The following SLC37A3 variants were observed in gnomAD, a reference collection of about 807,000 sequenced individuals.
SLC37A3 encodes sugar phosphate exchanger 3.
A neutral mutation model predicts 67.1 loss-of-function variants in SLC37A3; 51 were observed. The ratio of observed to expected loss-of-function variants is 0.76; its 90% CI spans 0.61 to 0.96. The LOEUF is 0.96. Ranked by LOEUF, SLC37A3 falls within the 40% of genes least tolerant of loss-of-function variation. SLC37A3 has a pLI of 0.00. For synonymous variants in SLC37A3, 214 were observed against 231.4 expected (o/e 0.92, Z 0.68); for missense variants, 508 against 603.0 (o/e 0.84, Z 1.65).
chr7:140,386,331 A>C (rs1374783596), intron 1 of SLC37A3, among the ~76,000 whole-genome samples: 2 of 152,038 alleles, frequency 1.3e-5, no homozygotes, highest in Non-Finnish European at 1.5e-5. Flanking sequence ...CAGCCTTCCA[A>C]AGTGCTGAGA....
intron 14 of SLC37A3, 111 bp downstream of exon 14, chr7:140,337,173 A>G: frequency 1.6e-6 from 1 of 641,164 alleles, no homozygotes; most frequent in Non-Finnish European, 2.5e-6. Flanking sequence ...TACTTTTCAC[A>G]AAGGAGCCTT....
At chr7:140,365,756 G>A (rs781058683) in intron 4 of SLC37A3, among the ~76,000 whole-genome samples, 7 of 151,642 alleles carry the variant, frequency 4.6e-5, no homozygotes, top group Non-Finnish European at 8.8e-5. Flanking sequence ...AAATATGAAC[G>A]TTTCTCCCTC....
chr7:140,368,045 C>T (rs1797671707), intron 4 of SLC37A3, among the ~76,000 whole-genome samples: 1 of 151,770 alleles, frequency 6.6e-6, no homozygotes, highest in African/African-American at 2.4e-5. Flanking sequence ...AACTCCTGAC[C>T]CCAAGTTATC....
intron 3 of SLC37A3, among the ~76,000 whole-genome samples, chr7:140,378,528 G>T (rs1200044276): frequency 2.0e-5 from 3 of 152,074 alleles, no homozygotes; most frequent in Non-Finnish European, 4.4e-5. Context: ...ACGAGGTCAA[G>T]AGATCAAGAC....
chr7:140,363,709 A>AT (rs1563031059), intron 5 of SLC37A3, among the ~76,000 whole-genome samples: 2 of 61,560 alleles, frequency 3.2e-5, no homozygotes, highest in Non-Finnish European at 7.6e-5. Flanking sequence ...AATAAATAAA[A>AT]AAATAAAAAA....
rs577773807 is a variant in SLC37A3, at chr7:140,397,094, G to A, written c.-71+1322C>T. 3.2e-4 allele frequency among the ~76,000 whole-genome samples: 47 copies of A among 148,726 alleles called. 1 individual carries two copies. In the South Asian group the frequency reaches 1.0e-2, roughly 32 times the overall value. On this transcript the variant is annotated intron_variant, in intron 1 of 14. Coordinates refer to ENST00000326232, the MANE Select transcript of SLC37A3 (RefSeq NM_207113.3). The stretch of plus-strand genomic sequence containing the variant: ...GGGCGCCTGTAGTCCCAGCTACTCG[G>A]GAGGCTGAGGCAGGAGAATCACTTG...
chr7:140,346,094 G>A lies in SLC37A3; in HGVS notation c.1025-124C>T, dbSNP rs1585260503. Reference sequence around the variant, plus strand: ...TGACACTAGTCTATCAAAAAATATGGCTGGGCCGGGCTCGGTGGCTCACAC... The same window carrying A: ...TGACACTAGTCTATCAAAAAATATGACTGGGCCGGGCTCGGTGGCTCACAC... On this transcript the variant is annotated intron_variant, in intron 10 of 14. Transcript: ENST00000326232. 7.3e-6 allele frequency: 5 copies of A among 688,854 alleles called. No homozygotes were observed. The East Asian group carries it at 8.4e-5, about 12-fold the overall frequency. The allele number at this position is 688,854 out of a possible 1,614,324, so 42.7% of individuals were successfully genotyped here.
intron 6 of SLC37A3, among the ~76,000 whole-genome samples, chr7:140,357,020 C>G (rs1347905909): frequency 1.3e-5 from 2 of 152,002 alleles, no homozygotes; most frequent in Admixed American, 6.6e-5. Flanking sequence ...CAAGACCAGC[C>G]TGGCCAACAT....
chr7:140,350,656 C>G (rs573464806), intron 9 of SLC37A3, among the ~76,000 whole-genome samples: 1 of 151,932 alleles, frequency 6.6e-6, no homozygotes. Context: ...CCCAGCTACT[C>G]GGGAGGCTGA....
chr7:140,335,642 T>C lies in SLC37A3; in HGVS notation c.1393-138A>G, dbSNP rs1796105134. On this transcript the variant is annotated intron_variant, in intron 14 of 14. Transcript: ENST00000326232. ...AAGATAATGTTTAATCTTCAATGAA[T>C]TAGAAAATGATTTTGAAAATTATGG... 8.0e-6 allele frequency: 9 copies of C among 1,118,508 alleles called. No individual in the cohort carries two copies. In the South Asian group the frequency reaches 1.4e-4, roughly 18 times the overall value. The allele number at this position is 1,118,508 out of a possible 1,614,324, so 69.3% of individuals were successfully genotyped here.
chr7:140,396,836 T>C (rs1317421789), intron 1 of SLC37A3, among the ~76,000 whole-genome samples: 1 of 151,402 alleles, frequency 6.6e-6, no homozygotes, highest in Non-Finnish European at 1.5e-5. Context: ...AGGTATGGAA[T>C]CTAAGACCCT....
At chr7:140,394,289 C>G (rs1431970321) in intron 1 of SLC37A3, among the ~76,000 whole-genome samples, 4 of 152,110 alleles carry the variant, frequency 2.6e-5, no homozygotes, top group African/African-American at 9.7e-5. Flanking sequence ...ATTTAGTTCT[C>G]TCAATGTTTT....
intron 6 of SLC37A3, among the ~76,000 whole-genome samples, chr7:140,357,824 G>A (rs1233789433): frequency 1.3e-5 from 2 of 151,948 alleles, no homozygotes; most frequent in Admixed American, 1.3e-4. Context: ...GGCTACAGCA[G>A]GAGAATCGCT....
At position 140,355,688 on chromosome 7, in the gene SLC37A3, C is replaced by G. The variant is rs1796996405; in HGVS notation, c.598G>C (p.Val200Leu). Residue 200 changes from valine to leucine, a missense_variant, in exon 7 of 15, where the codon GTT becomes CTT. By Grantham distance (32) the Val-to-Leu change is conservative (BLOSUM62 1). Transcript: ENST00000326232. ...CCTACCTCATAACCATACTGAAGAA[C>G]AGAAGAAGCTAGGCACGCTCCCAAA... ...NILGACLASSVLQYGYEYAFL... is the reference protein window; with the variant it reads ...NILGACLASSLLQYGYEYAFL... 2.5e-6 allele frequency: 4 copies of G among 1,613,854 alleles called. No individual in the cohort carries two copies. Among genetic ancestry groups the G allele is most frequent in the Non-Finnish European group, 2.5e-6 (3 of 1,179,902 alleles).
At chr7:140,380,535 G>A (rs1401496344) in intron 2 of SLC37A3, 145 bp from the exon 3 acceptor site, 3 of 558,358 alleles carry the variant, frequency 5.4e-6, no homozygotes, top group African/African-American at 1.9e-5. Flanking sequence ...GATTCAGAGA[G>A]GCTCTCTCAA....
Position 140,351,993 on chromosome 7 carries a change from C to T in SLC37A3, c.703+69G>A, listed in dbSNP as rs767425305. ...TCCTAGGAAAAAAGAGATTCGATTTCTTGGCCTCAGATTTCCTTTCGGCCA... is the reference window on the plus strand; with the variant it reads ...TCCTAGGAAAAAAGAGATTCGATTTTTTGGCCTCAGATTTCCTTTCGGCCA... On this transcript the variant is annotated intron_variant, in intron 8 of 14. Coordinates refer to ENST00000326232, the MANE Select transcript of SLC37A3 (RefSeq NM_207113.3). The T allele has an allele frequency of 3.1e-5, 45 of 1,441,460 alleles. No homozygotes were observed. In the African/African-American group the frequency reaches 5.8e-4, roughly 19 times the overall value. 89.3% of individuals were successfully genotyped at this position (1,441,460 alleles called of 1,614,324 possible).
At chr7:140,395,746 C>T (rs919897993) in intron 1 of SLC37A3, among the ~76,000 whole-genome samples, 14 of 151,866 alleles carry the variant, frequency 9.2e-5, no homozygotes, top group African/African-American at 3.4e-4. Context: ...AACTAGCACA[C>T]CTAAACTCAG....
At chr7:140,396,884 T>G (rs1223016178) in intron 1 of SLC37A3, among the ~76,000 whole-genome samples, 1 of 90,754 alleles carries the variant, frequency 1.1e-5, no homozygotes, top group African/African-American at 3.8e-5. Flanking sequence ...CAATTTCTGT[T>G]TTTTTTTTTG....
intron 10 of SLC37A3, chr7:140,348,321 G>A (rs1451988824): frequency 4.7e-6 from 1 of 214,216 alleles, no homozygotes; most frequent in African/African-American, 2.3e-5. Context: ...TGCATTTAAA[G>A]AGATTCCCAT....
Sources: allele counts gnomAD v4.1 joint callset (sites outside exome capture counted in the v4.1 genomes callset), GRCh38; gene constraint gnomAD v4.1.1; transcripts MANE v1.5; gene names NCBI Gene and HGNC (gene_info 2026-07-23, HGNC 2026-07-21).